Variants in KIF13A observed in about 807,000 individuals in gnomAD.
The protein encoded by KIF13A is kinesin family member 13A.
A neutral mutation model predicts 212.2 loss-of-function variants in KIF13A; 79 were observed. That is an observed-to-expected ratio of 0.37 (90% CI 0.31 to 0.45). The LOEUF is 0.45. Ranked by LOEUF, KIF13A falls within the 20% of genes least tolerant of loss-of-function variation. KIF13A has a pLI of 1.00. For missense variants in KIF13A, 1,901 were observed against 2,209.0 expected (o/e 0.86, Z 2.79); for synonymous variants, 789 against 808.6 (o/e 0.98, Z 0.41).
At chr6:17,791,241 T>C (rs1403399083) in intron 25 of KIF13A, among the ~76,000 whole-genome samples, 1 of 152,192 alleles carries the variant, frequency 6.6e-6, no homozygotes, top group African/African-American at 2.4e-5. Context: ...ATGGCTCTAA[T>C]TTATCATAAC....
Position 17,888,530 on chromosome 6 carries a change from A to C in KIF13A, c.159+9638T>G, listed in dbSNP as rs533707168. 1.3e-5 allele frequency among the ~76,000 whole-genome samples: 2 copies of C among 152,332 alleles called. No homozygotes were observed. The highest frequency in any genetic ancestry group is 4.8e-5 in the African/African-American group (2 of 41,580). On this transcript the variant is annotated intron_variant, in intron 3 of 38. Transcript: ENST00000259711. This position sits in a 1 kb window ranked among gnomAD's most constrained non-coding sequence, Gnocchi z 4.8. The stretch of plus-strand genomic sequence containing the variant: ...TTAAAATGTTTTTGTAGACACACTG[A>C]AAAGTAAAAGAGGCCAACCATGGTG...
intron 11 of KIF13A, among the ~76,000 whole-genome samples, chr6:17,835,112 G>A (rs1765809732): frequency 1.4e-5 from 2 of 146,124 alleles, no homozygotes; most frequent in African/African-American, 5.0e-5. Flanking sequence ...CTTGAACCCA[G>A]GAGACAGAGG....
intron 3 of KIF13A, among the ~76,000 whole-genome samples, chr6:17,877,505 T>G (rs548920879): frequency 6.6e-6 from 1 of 152,334 alleles, no homozygotes; most frequent in African/African-American, 2.4e-5. Flanking sequence ...TGATCTATCT[T>G]GTTTTTAAAC....
intron 2 of KIF13A, among the ~76,000 whole-genome samples, chr6:17,933,772 G>A (rs1034221197): frequency 3.2e-4 from 49 of 152,044 alleles, no homozygotes; most frequent in African/African-American, 1.1e-3. Context: ...TGTTTCTGTG[G>A]TTCACTTTTA....
At chr6:17,760,151 G>A (rs867792847), downstream of KIF13A, 7 of 152,188 alleles carry the variant, frequency 4.6e-5, no homozygotes, top group Non-Finnish European at 1.0e-4. Context: ...CACCAAACTT[G>A]CAGTCAAACA....
chr6:17,945,678 A>G (rs1039131757), intron 2 of KIF13A, among the ~76,000 whole-genome samples: 2 of 152,224 alleles, frequency 1.3e-5, no homozygotes, highest in Non-Finnish European at 2.9e-5. Flanking sequence ...AAAGATGCCA[A>G]TTCTTTTCAC....
rs1781689175 is a variant in KIF13A at position 17,987,570 on chromosome 6, C to T, written c.-107G>A. The T allele has an allele frequency of 2.0e-6, 1 of 503,568 alleles. No homozygotes were observed. Among genetic ancestry groups the T allele is most frequent in the South Asian group, 8.2e-5 (1 of 12,254 alleles). 31.2% of individuals were successfully genotyped at this position (503,568 alleles called of 1,614,324 possible). ...CCGCGCGCCCCTCGAGCGCGGCCGC[C>T]GCCGCTCCGCCGTGAGCTCCGAGAG... is the stretch of plus-strand genomic sequence containing the variant. On this transcript the variant is annotated 5_prime_UTR_variant, in exon 1 of 39. Coordinates refer to ENST00000259711, the MANE Select transcript of KIF13A (RefSeq NM_022113.6). The surrounding 1 kb of genome is among the most constrained non-coding windows in gnomAD (Gnocchi z 7.7).
intron 16 of KIF13A, among the ~76,000 whole-genome samples, chr6:17,821,393 A>T (rs567949520): frequency 4.0e-4 from 61 of 152,346 alleles, no homozygotes; most frequent in African/African-American, 1.5e-3. Flanking sequence ...ATATATCTGG[A>T]AGTACTACTG....
At chr6:17,827,823 A>G (rs1177232266) in intron 14 of KIF13A, among the ~76,000 whole-genome samples, 1 of 152,120 alleles carries the variant, frequency 6.6e-6, no homozygotes, top group Non-Finnish European at 1.5e-5. Context: ...CGCCTAGCCA[A>G]TTTTCTGGTA....
Position 17,834,756 on chromosome 6 carries a change from TA to T in KIF13A, c.1156-686del, listed in dbSNP as rs1465650926. Reference sequence around the variant, plus strand: ...AAAGTAACATGAGCCTCTACAAAGTTAAAACTCTATGAACAAGAAAGATGGC... The same window carrying T: ...AAAGTAACATGAGCCTCTACAAAGTTAAACTCTATGAACAAGAAAGATGGC... On this transcript the variant is annotated intron_variant, in intron 11 of 38. Coordinates refer to ENST00000259711, the MANE Select transcript of KIF13A (RefSeq NM_022113.6). The surrounding 1 kb of genome is among the most constrained non-coding windows in gnomAD (Gnocchi z 4.0). Among the ~76,000 whole-genome samples the T allele has an allele frequency of 6.6e-6, 1 of 152,122 alleles. No homozygotes were observed. Among genetic ancestry groups the T allele is most frequent in the Non-Finnish European group, 1.5e-5 (1 of 68,028 alleles).
At chr6:17,865,365 T>C (rs1769260781) in intron 4 of KIF13A, among the ~76,000 whole-genome samples, 1 of 151,870 alleles carries the variant, frequency 6.6e-6, no homozygotes, top group South Asian at 2.1e-4. Flanking sequence ...TATTTATGAC[T>C]TGGAATTCCT....
At chr6:17,874,710 C>A (rs1462948366) in intron 3 of KIF13A, among the ~76,000 whole-genome samples, 1 of 151,558 alleles carries the variant, frequency 6.6e-6, no homozygotes, top group African/African-American at 2.4e-5. Flanking sequence ...TTTGGTGCAC[C>A]CATCACCTGA....
chr6:17,896,535 A>G (rs1772582639), intron 3 of KIF13A, among the ~76,000 whole-genome samples: 1 of 152,150 alleles, frequency 6.6e-6, no homozygotes, highest in African/African-American at 2.4e-5. Context: ...ATTTGAGTTC[A>G]AGATGATCTT....
At position 17,768,512 on chromosome 6, in the gene KIF13A, C is replaced by G. The variant is rs79807399; in HGVS notation, c.4581+2602G>C. On this transcript the variant is annotated intron_variant, in intron 38 of 38. Coordinates refer to ENST00000259711, the MANE Select transcript of KIF13A (RefSeq NM_022113.6). The surrounding 1 kb of genome is among the most constrained non-coding windows in gnomAD (Gnocchi z 5.4). ...TCTCTGTTTGCAGAACTGCACCAGC[C>G]AAGGGCTCCAGTACTTCTGTCCATG... 7.9e-5 allele frequency among the ~76,000 whole-genome samples: 12 copies of G among 152,316 alleles called. No individual in the cohort carries two copies. The East Asian group carries it at 2.3e-3, about 29-fold the overall frequency.
In KIF13A at chr6:17,856,138, A is replaced by G. The variant is rs1407481310; in HGVS notation, c.221-16T>C. 6.5e-7 allele frequency: 1 copy of G among 1,527,284 alleles called. No homozygotes were observed. Among genetic ancestry groups the G allele is most frequent in the Non-Finnish European group, 9.0e-7 (1 of 1,107,312 alleles). The allele number at this position is 1,527,284 out of a possible 1,614,324, so 94.6% of individuals were successfully genotyped here. A position where few individuals can be genotyped will look rare whatever the true frequency, so the allele number is the denominator to read the frequency against. On this transcript the variant is annotated splice_polypyrimidine_tract_variant and intron_variant, in intron 4 of 38. Coordinates refer to ENST00000259711, the MANE Select transcript of KIF13A (RefSeq NM_022113.6). The surrounding 1 kb of genome is among the most constrained non-coding windows in gnomAD (Gnocchi z 4.5). The stretch of plus-strand genomic sequence containing the variant: ...ACTTCTTGACCTAAAAAACAAGACA[A>G]ATATTAAAAACTAATAAAAAGAATA...
rs1377518455 is a variant in KIF13A, at chr6:17,872,966, C to T, written c.220+411G>A. Among the ~76,000 whole-genome samples the T allele has an allele frequency of 6.6e-6, 1 of 152,098 alleles. No homozygotes were observed. Among genetic ancestry groups the T allele is most frequent in the African/African-American group, 2.4e-5 (1 of 41,404 alleles). On this transcript the variant is annotated intron_variant, in intron 4 of 38. Coordinates refer to ENST00000259711, the MANE Select transcript of KIF13A (RefSeq NM_022113.6). This position sits in a 1 kb window ranked among gnomAD's most constrained non-coding sequence, Gnocchi z 4.7. Reference sequence around the variant, plus strand: ...ATAAATTTTTAAAAAGATGAAATATCTAAGAAAAAGGGGGCATAATCAGAA... The same window carrying T: ...ATAAATTTTTAAAAAGATGAAATATTTAAGAAAAAGGGGGCATAATCAGAA...
chr6:17,760,927 C>A (rs774119207), downstream of KIF13A: 18 of 1,602,570 alleles, frequency 1.1e-5, no homozygotes, highest in Middle Eastern at 3.3e-4. Context: ...CACCTCCCCA[C>A]CCCACCCACA....
At chr6:17,975,048 A>T (rs769206916) in intron 2 of KIF13A, among the ~76,000 whole-genome samples, 4 of 152,142 alleles carry the variant, frequency 2.6e-5, no homozygotes, top group Non-Finnish European at 5.9e-5. Context: ...AACTTGTTAG[A>T]AATGCACATT....
chr6:17,976,518 C>T (rs977837675), intron 2 of KIF13A, among the ~76,000 whole-genome samples: 2 of 152,220 alleles, frequency 1.3e-5, no homozygotes, highest in East Asian at 1.9e-4. Flanking sequence ...CCCAGAACTC[C>T]AGCTGGCCCG....
Sources: allele counts gnomAD v4.1 joint callset (sites outside exome capture counted in the v4.1 genomes callset), GRCh38; gene constraint gnomAD v4.1.1; non-coding constraint Gnocchi (gnomAD v3.1); transcripts MANE v1.5; gene names NCBI Gene and HGNC (gene_info 2026-07-23, HGNC 2026-07-21).